LRRC4C: variants seen among roughly 807,000 people sequenced by gnomAD.
The protein encoded by LRRC4C is leucine rich repeat containing 4C.
A neutral mutation model predicts 33.6 loss-of-function variants in LRRC4C; 5 were observed. The ratio of observed to expected loss-of-function variants is 0.15; its 90% confidence interval spans 0.08 to 0.31. The LOEUF (loss-of-function observed/expected upper bound fraction) is 0.31, where lower values mean the gene tolerates loss of function less well. Among genes scored for constraint, LRRC4C ranks in the 10% least tolerant of loss-of-function variants. LRRC4C has a pLI of 1.00. For missense variants in LRRC4C, 560 were observed against 796.7 expected (o/e 0.70, Z 3.58); for synonymous variants, 329 against 302.0 (o/e 1.09, Z -0.93).
chr11:40,539,382 A>G (rs146481189), intron 3 of LRRC4C, among the ~76,000 whole-genome samples: 32 of 152,180 alleles, frequency 2.1e-4, no homozygotes, highest in African/African-American at 7.7e-4. Flanking sequence ...TCTCTTTTCT[A>G]TCTGCTAGAA....
Position 41,304,061 on chromosome 11 carries a change from C to T in LRRC4C, c.-496+155370G>A, listed in dbSNP as rs1177100338. On this transcript the variant is annotated intron_variant, in intron 1 of 6. Transcript: ENST00000528697. ...GGAGGGAGGTGGGGGGTCAGCCCCC[C>T]GCCCAGCCAGCCACCCCGTCCGGGA... 9.7e-5 allele frequency among the ~76,000 whole-genome samples: 7 copies of T among 72,278 alleles called. 1 individual carries two copies. Among genetic ancestry groups the T allele is most frequent in the African/African-American group, 2.5e-4 (7 of 28,034 alleles). 47.4% of individuals were successfully genotyped at this position (72,278 alleles called of 152,430 possible). A position where few individuals can be genotyped will look rare whatever the true frequency, so the allele number is the denominator to read the frequency against.
intron 1 of LRRC4C, among the ~76,000 whole-genome samples, chr11:40,973,862 C>T (rs1851900151): frequency 6.6e-6 from 1 of 151,654 alleles, no homozygotes; most frequent in Non-Finnish European, 1.5e-5. Flanking sequence ...AGGTGGAATA[C>T]TCATATAATA....
intron 3 of LRRC4C, among the ~76,000 whole-genome samples, chr11:40,433,746 A>G (rs1319756293): frequency 6.6e-6 from 1 of 152,200 alleles, no homozygotes; most frequent in South Asian, 2.1e-4. Context: ...ATATATGTGT[A>G]AAAGGAAGTA....
chr11:41,326,475 T>G (rs2922038), intron 1 of LRRC4C, among the ~76,000 whole-genome samples: 59,351 of 151,894 alleles, frequency 0.39, 12,879 homozygotes, highest in Non-Finnish European at 0.48. Context: ...TAAACCCCCT[T>G]CATATATACA....
chr11:40,327,980 G>A (rs747322529), intron 3 of LRRC4C, among the ~76,000 whole-genome samples: 7 of 151,950 alleles, frequency 4.6e-5, no homozygotes, highest in Non-Finnish European at 8.8e-5. Context: ...TAATCATTAT[G>A]TAAAAATAAT....
chr11:40,131,132 G>A (rs2134810296), intron 6 of LRRC4C, among the ~76,000 whole-genome samples: 1 of 152,324 alleles, frequency 6.6e-6, no homozygotes, highest in East Asian at 1.9e-4. Context: ...TAGCTGAATT[G>A]AATTACGGAA....
intron 3 of LRRC4C, among the ~76,000 whole-genome samples, chr11:40,461,111 A>C (rs1952377272): frequency 6.6e-6 from 1 of 152,202 alleles, no homozygotes; most frequent in African/African-American, 2.4e-5. Context: ...CAAAACAGAC[A>C]AAAAATCTTT....
At position 40,462,271 on chromosome 11, in the gene LRRC4C, T is replaced by C. The variant is rs557808751; in HGVS notation, c.-269-142550A>G. ...TTTGTATAGAAACAACTACATCAAT[T>C]ATCCATGGCAAAGGAGGGAACATAT... On this transcript the variant is annotated intron_variant, in intron 3 of 6. Transcript: ENST00000528697. Among the ~76,000 whole-genome samples, 5 of 152,220 alleles carry C rather than the reference T, an allele frequency of 3.3e-5. No individual in the cohort carries two copies. The East Asian group carries it at 9.6e-4, about 29-fold the overall frequency.
At chr11:40,494,477 A>G (rs1954324829) in intron 3 of LRRC4C, among the ~76,000 whole-genome samples, 1 of 152,174 alleles carries the variant, frequency 6.6e-6, no homozygotes, top group Non-Finnish European at 1.5e-5. Flanking sequence ...GAATGTTGAC[A>G]TTTATATACT....
At chr11:40,763,283 C>T (rs1285122984) in intron 2 of LRRC4C, among the ~76,000 whole-genome samples, 1 of 151,904 alleles carries the variant, frequency 6.6e-6, no homozygotes, top group African/African-American at 2.4e-5. Flanking sequence ...GTCTGTGTCT[C>T]CTAGACTGTG....
chr11:40,549,000 A>G (rs1957034378), intron 3 of LRRC4C, among the ~76,000 whole-genome samples: 1 of 152,088 alleles, frequency 6.6e-6, no homozygotes, highest in South Asian at 2.1e-4. Context: ...ATTCTTTACT[A>G]CCCTAGTTAA....
At chr11:41,186,034 CAT>C (rs1471234996) in intron 1 of LRRC4C, among the ~76,000 whole-genome samples, 2 of 151,688 alleles carry the variant, frequency 1.3e-5, no homozygotes, top group Non-Finnish European at 2.9e-5. Context: ...TAAATAAACA[CAT>C]AGAAAAAATG....
chr11:40,136,604 G>A (rs7929592), intron 6 of LRRC4C, among the ~76,000 whole-genome samples: 1 of 151,824 alleles, frequency 6.6e-6, no homozygotes, highest in African/African-American at 2.4e-5. Context: ...TTACCTACTC[G>A]CTTCAATCCC....
chr11:40,212,404 A>G (rs1021822391), intron 5 of LRRC4C, among the ~76,000 whole-genome samples: 23 of 151,886 alleles, frequency 1.5e-4, no homozygotes, highest in African/African-American at 5.6e-4. Context: ...ATTAGAAACT[A>G]CTTTTAGTAG....
At chr11:40,362,327 C>T (rs1421286339) in intron 3 of LRRC4C, among the ~76,000 whole-genome samples, 1 of 151,830 alleles carries the variant, frequency 6.6e-6, no homozygotes, top group Non-Finnish European at 1.5e-5. Flanking sequence ...AAACAGACAA[C>T]CTATAGAATG....
At chr11:41,172,127 G>A (rs1418331538) in intron 1 of LRRC4C, among the ~76,000 whole-genome samples, 1 of 152,092 alleles carries the variant, frequency 6.6e-6, no homozygotes, top group Non-Finnish European at 1.5e-5. Context: ...GTGGCGGAGG[G>A]AGAACTGGCT....
chr11:41,108,189 T>C (rs1254522459), intron 1 of LRRC4C, among the ~76,000 whole-genome samples: 1 of 152,096 alleles, frequency 6.6e-6, no homozygotes, highest in Admixed American at 6.6e-5. Context: ...CCTAGTCTTT[T>C]TCCCCTTCCC....
intron 2 of LRRC4C, among the ~76,000 whole-genome samples, chr11:40,892,568 A>C (rs1306709221): frequency 6.6e-6 from 1 of 152,238 alleles, no homozygotes; most frequent in Non-Finnish European, 1.5e-5. Context: ...GAATAAACAA[A>C]ATGTAGTAAA....
At chr11:40,264,364 C>G (rs1028296760) in intron 4 of LRRC4C, among the ~76,000 whole-genome samples, 1 of 152,142 alleles carries the variant, frequency 6.6e-6, no homozygotes, top group Non-Finnish European at 1.5e-5. Flanking sequence ...AAACCATTCT[C>G]AATTCTAAAT....
Sources: allele counts gnomAD v4.1 joint callset (sites outside exome capture counted in the v4.1 genomes callset), GRCh38; gene constraint gnomAD v4.1.1; transcripts MANE v1.5; gene names NCBI Gene and HGNC (gene_info 2026-07-23, HGNC 2026-07-21).